Variants in GRSF1 observed in about 807,000 individuals in gnomAD.
The protein encoded by GRSF1 is G-rich RNA sequence binding factor 1.
GRSF1 carries 50 observed loss-of-function variants against 51.1 expected under a neutral mutation model. The observed-to-expected ratio is 0.98, with a 90% CI of 0.78 to 1.24. The LOEUF is 1.24. GRSF1 is among the 50% of genes most tolerant of loss of function. GRSF1 has a pLI of 0.00. For missense variants in GRSF1, 700 were observed against 639.7 expected (o/e 1.09, Z -1.02); for synonymous variants, 293 against 253.3 (o/e 1.16, Z -1.49).
chr4:70,831,133 G>C (rs536317803), intron 5 of GRSF1, among the ~76,000 whole-genome samples: 6 of 151,966 alleles, frequency 3.9e-5, no homozygotes, highest in African/African-American at 1.4e-4. Context: ...CGAGGCGGGC[G>C]GATCACAAGG....
In GRSF1 at chr4:70,816,344, CTCA is replaced by C. The variant is rs1733305996; in HGVS notation, c.*4540_*4542del. 2.1e-5 allele frequency: 1 copy of C among 47,086 alleles called. No individual in the cohort carries two copies. The highest frequency in any genetic ancestry group is 3.4e-4 in the Admixed American group (1 of 2,924). The allele number at this position is 47,086 out of a possible 1,614,324, so 2.9% of individuals were successfully genotyped here. A position where few individuals can be genotyped will look rare whatever the true frequency, so the allele number is the denominator to read the frequency against. ...TAGCCTGGGCGATACAAGACTCCAT[CTCA>C]AAAAAAAAAAAAAAAAAAGAAAAAA... is the stretch of plus-strand genomic sequence containing the variant. On this transcript the variant is annotated 3_prime_UTR_variant, in exon 10 of 10. Transcript: ENST00000254799.
In GRSF1 at chr4:70,832,245, TAGA is replaced by T. The variant is rs1484748249; in HGVS notation, c.814+59_814+61del. The T allele has an allele frequency of 9.8e-6, 14 of 1,429,726 alleles. No individual in the cohort carries two copies. In the East Asian group the frequency reaches 1.6e-4, roughly 16 times the overall value. 88.6% of individuals were successfully genotyped at this position (1,429,726 alleles called of 1,614,324 possible). A position where few individuals can be genotyped will look rare whatever the true frequency, so the allele number is the denominator to read the frequency against. The stretch of plus-strand genomic sequence containing the variant: ...CCCAGAAACAGGCTCATCTAAGATA[TAGA>T]AGGAGATACCAAGGGAAAAAAGATA... On this transcript the variant is annotated intron_variant, in intron 4 of 9. Coordinates refer to ENST00000254799, the MANE Select transcript of GRSF1 (RefSeq NM_002092.4).
At chr4:70,830,723 G>A (rs1733928584) in intron 5 of GRSF1, among the ~76,000 whole-genome samples, 1 of 151,604 alleles carries the variant, frequency 6.6e-6, no homozygotes, top group Non-Finnish European at 1.5e-5. Flanking sequence ...GGAGGCTGAG[G>A]CAGGAGGATC....
At position 70,819,786 on chromosome 4, in the gene GRSF1, T is replaced by TA. The variant is rs1733435398; in HGVS notation, c.*1100dup. On this transcript the variant is annotated 3_prime_UTR_variant, in exon 10 of 10. Transcript: ENST00000254799. ...TCTCCTACACAGGTGCACATAAAGT[T>TA]AGTTTATTAATGACTATATTTTGAA... The TA allele has an allele frequency of 1.3e-5, 2 of 152,754 alleles. No homozygotes were observed. The highest frequency in any genetic ancestry group is 4.1e-4 in the South Asian group (2 of 4,826). 9.5% of individuals were successfully genotyped at this position (152,754 alleles called of 1,614,324 possible). A position where few individuals can be genotyped will look rare whatever the true frequency, so the allele number is the denominator to read the frequency against.
rs74404124 is a variant in GRSF1 at position 70,830,463 on chromosome 4, C to A, written c.950+1076G>T. ...CTGTGTCTTAAAAAAAAAAAAAAAA[C>A]ACACACACACACAGAGAATTATGGA... is the stretch of plus-strand genomic sequence containing the variant. On this transcript the variant is annotated intron_variant, in intron 5 of 9. Coordinates refer to ENST00000254799, the MANE Select transcript of GRSF1 (RefSeq NM_002092.4). 1.1e-4 allele frequency among the ~76,000 whole-genome samples: 15 copies of A among 140,444 alleles called. No individual in the cohort carries two copies. The South Asian group carries it at 1.6e-3, about 15-fold the overall frequency. 92.1% of individuals were successfully genotyped at this position (140,444 alleles called of 152,430 possible). A position where few individuals can be genotyped will look rare whatever the true frequency, so the allele number is the denominator to read the frequency against.
At position 70,839,568 on chromosome 4, in the gene GRSF1, G is replaced by C; in HGVS notation, c.260C>G (p.Ala87Gly). ...AGPPAVATSA[A>G]AAAAASYSAL... ...AGAGTAGGACGCGGCGGCCGCGGCC[G>C]CGGCAGAGGTGGCCACAGCGGGAGG... Residue 87 changes from alanine (A) to glycine (G), a missense_variant, in exon 1 of 10, where the codon GCG becomes GGG. Ala to Gly is a moderately conservative substitution (Grantham distance 60). Transcript: ENST00000254799. The C allele has an allele frequency of 7.1e-7, 1 of 1,418,396 alleles. No homozygotes were observed. The highest frequency in any genetic ancestry group is 9.2e-7 in the Non-Finnish European group (1 of 1,088,516). 87.9% of individuals were successfully genotyped at this position (1,418,396 alleles called of 1,614,324 possible).
chr4:70,821,484 T>C (rs531945840), intron 9 of GRSF1, among the ~76,000 whole-genome samples: 1 of 151,952 alleles, frequency 6.6e-6, no homozygotes, highest in East Asian at 2.0e-4. Context: ...CATACGCCTG[T>C]AGCCCCAGCT....
intron 3 of GRSF1, 27 bp from the exon 4 acceptor site, chr4:70,832,477 G>A: frequency 1.4e-6 from 2 of 1,448,560 alleles, no homozygotes; most frequent in African/African-American, 1.4e-5. Context: ...CAACAGGGAT[G>A]AAAAATTTAC....
At chr4:70,840,813 G>A (rs1734435262), upstream of GRSF1, among the ~76,000 whole-genome samples, 1 of 152,004 alleles carries the variant, frequency 6.6e-6, no homozygotes, top group Admixed American at 6.6e-5. Flanking sequence ...TCTGGGTAGG[G>A]CCGAGAGCTG....
At chr4:70,830,477 G>C (rs1428826491) in intron 5 of GRSF1, among the ~76,000 whole-genome samples, 5 of 150,840 alleles carry the variant, frequency 3.3e-5, no homozygotes, top group African/African-American at 2.4e-5. Context: ...CACACACACA[G>C]AGAATTATGG....
chr4:70,823,569 C>G (rs1386384522), intron 9 of GRSF1, among the ~76,000 whole-genome samples: 1 of 149,582 alleles, frequency 6.7e-6, no homozygotes, highest in Non-Finnish European at 1.5e-5. Flanking sequence ...TTAGTTTGAT[C>G]TTTATTAAAA....
intron 1 of GRSF1, among the ~76,000 whole-genome samples, chr4:70,837,128 G>A (rs1734246127): frequency 1.3e-5 from 2 of 152,194 alleles, no homozygotes; most frequent in Non-Finnish European, 2.9e-5. Context: ...GTGATTAAGG[G>A]AAAGATCTTA....
chr4:70,839,904 G>A (rs1488773097), upstream of GRSF1: 12 of 1,343,188 alleles, frequency 8.9e-6, no homozygotes, highest in Non-Finnish European at 9.7e-6. Context: ...ATCCAGGGCC[G>A]GTTGGGGGTG....
chr4:70,839,869 G>C lies in GRSF1; in HGVS notation c.-42C>G, dbSNP rs1050493125. 3.5e-6 allele frequency: 5 copies of C among 1,433,278 alleles called. No homozygotes were observed. The highest frequency in any genetic ancestry group is 3.0e-5 in the African/African-American group (2 of 66,774). 88.8% of individuals were successfully genotyped at this position (1,433,278 alleles called of 1,614,324 possible). On this transcript the variant is annotated 5_prime_UTR_variant, in exon 1 of 10. Transcript: ENST00000254799. ...GCAGGGCCTGAAGGCAGCTGCTCCA[G>C]CAGCGATGGTGGAACGGAAGTGGAA... is the stretch of plus-strand genomic sequence containing the variant.
rs757043739 is a variant in GRSF1 at position 70,825,341 on chromosome 4, G to T, written c.1348C>A (p.His450Asn). The change falls in exon 8 of 10, where the codon CAT becomes AAT. Residue 450 changes from histidine (H) to asparagine (N), a missense_variant. By Grantham distance (68) the His-to-Asn change is moderately conservative. Coordinates refer to ENST00000254799, the MANE Select transcript of GRSF1 (RefSeq NM_002092.4). ...AGCATCGCTGCAACAGCATCCTCAT[G>T]GGTCTCAAAGTGCACATCAGCTTCT... ...TGEADVHFET[H>N]EDAVAAMLKD... 6.2e-7 allele frequency: 1 copy of T among 1,611,446 alleles called. No individual in the cohort carries two copies. Among genetic ancestry groups the T allele is most frequent in the Non-Finnish European group, 8.5e-7 (1 of 1,178,098 alleles).
chr4:70,834,852 T>C (rs1314299518), intron 2 of GRSF1, among the ~76,000 whole-genome samples: 3 of 152,046 alleles, frequency 2.0e-5, no homozygotes, highest in Non-Finnish European at 4.4e-5. Flanking sequence ...CTCGATCTCC[T>C]GACCTCGTGA....
In GRSF1 at chr4:70,839,587, C is replaced by T; in HGVS notation, c.241G>A (p.Ala81Thr). 7.1e-7 allele frequency: 1 copy of T among 1,415,402 alleles called. No individual in the cohort carries two copies. Among genetic ancestry groups the T allele is most frequent in the Non-Finnish European group, 9.2e-7 (1 of 1,088,454 alleles). The allele number at this position is 1,415,402 out of a possible 1,614,324, so 87.7% of individuals were successfully genotyped here. A position where few individuals can be genotyped will look rare whatever the true frequency, so the allele number is the denominator to read the frequency against. Reference sequence around the variant, plus strand: ...GCGGCCGCGGCAGAGGTGGCCACAGCGGGAGGCCCCGCCAGCCTCCCGGGA... The same window carrying T: ...GCGGCCGCGGCAGAGGTGGCCACAGTGGGAGGCCCCGCCAGCCTCCCGGGA... ...VPPGRLAGPP[A>T]VATSAAAAAA... The change falls in exon 1 of 10, where the codon GCT (alanine) becomes ACT (threonine). Residue 81 changes from alanine to threonine, a missense_variant. Ala to Thr is a moderately conservative substitution (Grantham distance 58). Coordinates refer to ENST00000254799, the MANE Select transcript of GRSF1 (RefSeq NM_002092.4).
chr4:70,834,697 C>A (rs1010473203), intron 2 of GRSF1, among the ~76,000 whole-genome samples: 1 of 152,196 alleles, frequency 6.6e-6, no homozygotes, highest in African/African-American at 2.4e-5. Context: ...ACTCAGCTCA[C>A]TGCAACCTCC....
At chr4:70,838,161 G>T (rs1257745308) in intron 1 of GRSF1, among the ~76,000 whole-genome samples, 1 of 142,978 alleles carries the variant, frequency 7.0e-6, no homozygotes, top group African/African-American at 2.6e-5. Context: ...GGAGCTTGCA[G>T]TGAGCCGAGA....
Sources: gnomAD v4.1 joint callset for allele counts (sites outside exome capture counted in the v4.1 genomes callset) on GRCh38, gnomAD v4.1.1 for gene constraint, MANE v1.5 for transcripts, NCBI Gene and HGNC (gene_info 2026-07-23, HGNC 2026-07-21) for gene names.